Variants in ZNF804B observed in about 807,000 individuals in gnomAD.
ZNF804B encodes zinc finger 804B.
ZNF804B carries 80 observed loss-of-function variants against 101.4 expected under a neutral mutation model. The observed-to-expected ratio is 0.79, with a 90% CI of 0.66 to 0.95. ZNF804B has a LOEUF of 0.95. ZNF804B is among the 40% of genes least tolerant of loss of function. ZNF804B has a pLI of 0.00. For missense variants in ZNF804B, 1,673 were observed against 1,561.9 expected (o/e 1.07, Z -1.20); for synonymous variants, 622 against 558.8 (o/e 1.11, Z -1.59).
intron 1 of ZNF804B, among the ~76,000 whole-genome samples, chr7:88,943,125 CT>C (rs1793078446): frequency 6.6e-6 from 1 of 151,870 alleles, no homozygotes; most frequent in Non-Finnish European, 1.5e-5. Context: ...AATCTTCTTT[CT>C]CTCTGCTTAG....
chr7:89,066,785 G>A (rs112815850), intron 1 of ZNF804B, among the ~76,000 whole-genome samples: 3,831 of 151,758 alleles, frequency 0.025, 184 homozygotes, highest in African/African-American at 0.088. Context: ...TTTTTGAGAC[G>A]GAGTTTTGCT....
At chr7:88,820,840 G>A (rs1020428981) in intron 1 of ZNF804B, among the ~76,000 whole-genome samples, 3 of 152,166 alleles carry the variant, frequency 2.0e-5, no homozygotes, top group African/African-American at 7.2e-5. Context: ...GTGTCTGAGA[G>A]TCCTAGGAAT....
chr7:89,304,687 C>T (rs2115929537), intron 2 of ZNF804B, among the ~76,000 whole-genome samples: 1 of 151,990 alleles, frequency 6.6e-6, no homozygotes, highest in African/African-American at 2.4e-5. Context: ...GGAGAACCTG[C>T]TAAATTCAAA....
chr7:89,075,364 C>G (rs1025165261), intron 1 of ZNF804B, among the ~76,000 whole-genome samples: 3 of 152,102 alleles, frequency 2.0e-5, no homozygotes, highest in Non-Finnish European at 4.4e-5. Flanking sequence ...GACTTGGTGC[C>G]CTGCATCCCA....
chr7:88,870,251 GGC>G (rs1313080266), intron 1 of ZNF804B, among the ~76,000 whole-genome samples: 6 of 150,946 alleles, frequency 4.0e-5, no homozygotes, highest in Admixed American at 6.6e-5. Context: ...CGGGCATGGT[GGC>G]GCGCGCCTGT....
intron 1 of ZNF804B, among the ~76,000 whole-genome samples, chr7:89,171,398 T>TTCTTCCTCTTCTTCC (rs760881278): frequency 2.4e-5 from 3 of 127,322 alleles, no homozygotes; most frequent in Non-Finnish European, 5.2e-5. Flanking sequence ...CTTCTTCCTC[T>TTCTTCCTCTTCTTCC]TCTTCTTCTT....
intron 1 of ZNF804B, among the ~76,000 whole-genome samples, chr7:89,090,955 A>C (rs1193767937): frequency 6.6e-6 from 1 of 152,158 alleles, no homozygotes; most frequent in Non-Finnish European, 1.5e-5. Flanking sequence ...TAAAGGGGTG[A>C]TCAGAATCAG....
chr7:89,073,731 A>T (rs1454334076), intron 1 of ZNF804B, among the ~76,000 whole-genome samples: 1 of 152,198 alleles, frequency 6.6e-6, no homozygotes, highest in Non-Finnish European at 1.5e-5. Context: ...TGTGGAACTC[A>T]TCTGTGAAAT....
At chr7:89,282,213 A>AAAC (rs1281998409) in intron 2 of ZNF804B, among the ~76,000 whole-genome samples, 2 of 151,522 alleles carry the variant, frequency 1.3e-5, no homozygotes, top group African/African-American at 4.9e-5. Flanking sequence ...AAAAAAAAAA[A>AAAC]AAAAAATGTA....
At chr7:89,084,610 A>G (rs1789760797) in intron 1 of ZNF804B, among the ~76,000 whole-genome samples, 1 of 151,932 alleles carries the variant, frequency 6.6e-6, no homozygotes, top group African/African-American at 2.4e-5. Flanking sequence ...TTATACTTCC[A>G]GATCTGACTT....
chr7:89,255,062 G>A (rs1021210380), intron 2 of ZNF804B, among the ~76,000 whole-genome samples: 11 of 152,194 alleles, frequency 7.2e-5, no homozygotes, highest in African/African-American at 2.7e-4. Context: ...TTATAAAGGA[G>A]ACAGATTTAA....
chr7:89,081,371 G>A (rs207468220), intron 1 of ZNF804B, among the ~76,000 whole-genome samples: 2 of 151,774 alleles, frequency 1.3e-5, no homozygotes, highest in South Asian at 4.2e-4. Context: ...CCCCAACCAG[G>A]TGCTCTCATA....
At chr7:89,266,627 T>C (rs1050908505) in intron 2 of ZNF804B, among the ~76,000 whole-genome samples, 1 of 152,206 alleles carries the variant, frequency 6.6e-6, no homozygotes, top group Non-Finnish European at 1.5e-5. Context: ...TATCCTAACA[T>C]TGATCTTTCA....
At chr7:89,158,074 A>C (rs1265207410) in intron 1 of ZNF804B, among the ~76,000 whole-genome samples, 1 of 152,086 alleles carries the variant, frequency 6.6e-6, no homozygotes, top group Non-Finnish European at 1.5e-5. Flanking sequence ...ATGGCAATGA[A>C]ACCAACTTAA....
chr7:88,965,407 A>G (rs1793439994), intron 1 of ZNF804B, among the ~76,000 whole-genome samples: 1 of 151,440 alleles, frequency 6.6e-6, no homozygotes, highest in South Asian at 2.1e-4. Flanking sequence ...CGTAGAGTGG[A>G]TATAGGGCTA....
intron 1 of ZNF804B, among the ~76,000 whole-genome samples, chr7:89,181,047 C>G (rs1440090330): frequency 6.6e-6 from 1 of 151,560 alleles, no homozygotes; most frequent in Non-Finnish European, 1.5e-5. Context: ...TCTACTGTGG[C>G]TGAGCTAGTA....
At chr7:88,817,035 T>G (rs1328457073) in intron 1 of ZNF804B, among the ~76,000 whole-genome samples, 1 of 151,958 alleles carries the variant, frequency 6.6e-6, no homozygotes, top group Non-Finnish European at 1.5e-5. Flanking sequence ...ATATACACCA[T>G]GGAATACTAT....
chr7:89,059,962 C>T (rs1789353770), intron 1 of ZNF804B, among the ~76,000 whole-genome samples: 1 of 152,072 alleles, frequency 6.6e-6, no homozygotes, highest in Admixed American at 6.6e-5. Context: ...CATTCTTCTG[C>T]TGCCTTGGAA....
intron 2 of ZNF804B, among the ~76,000 whole-genome samples, chr7:89,231,814 T>C (rs1386742260): frequency 1.3e-5 from 2 of 152,208 alleles, no homozygotes; most frequent in East Asian, 1.9e-4. Flanking sequence ...ACTTGGTTGT[T>C]AGTTCTAGCA....
Sources: gnomAD v4.1 joint callset for allele counts (sites outside exome capture counted in the v4.1 genomes callset) on GRCh38, gnomAD v4.1.1 for gene constraint, MANE v1.5 for transcripts, NCBI Gene and HGNC (gene_info 2026-07-23, HGNC 2026-07-21) for gene names.